The following COQ8A variants were observed in gnomAD, a reference collection of about 807,000 sequenced individuals.
COQ8A encodes coenzyme Q8A, also known as atypical kinase COQ8A, mitochondrial.
COQ8A carries 51 observed loss-of-function variants against 65.0 expected under a neutral mutation model. That is an observed-to-expected ratio of 0.78 (90% CI 0.63 to 0.99). The LOEUF is 0.99. COQ8A is among the 50% of genes least tolerant of loss of function. The pLI, the probability that COQ8A is intolerant of heterozygous loss-of-function variation, is 0.00. For missense variants in COQ8A, 940 were observed against 875.0 expected, an observed-to-expected ratio of 1.07 and a Z score of -0.94; for synonymous variants, 371 against 353.2, an observed-to-expected ratio of 1.05 and a Z score of -0.57.
At chr1:226,948,203 C>G (rs1368545006) in intron 1 of COQ8A, among the ~76,000 whole-genome samples, 1 of 152,206 alleles carries the variant, frequency 6.6e-6, no homozygotes, top group Non-Finnish European at 1.5e-5. Context: ...TCTGGAGGCT[C>G]AAGGGCAGGA....
At chr1:226,965,572 C>T (rs2148063625) in intron 3 of COQ8A, 99 bp from the exon 4 acceptor site, 26 of 1,521,650 alleles carry the variant, frequency 1.7e-5, no homozygotes, top group Non-Finnish European at 2.3e-5. Flanking sequence ...GAGCTGCTGA[C>T]TGTGGGGTGG....
intron 7 of COQ8A, 60 bp downstream of exon 7, chr1:226,982,823 A>G (rs957676883): frequency 1.2e-6 from 2 of 1,612,596 alleles, no homozygotes; most frequent in African/African-American, 2.7e-5. Context: ...GGTGGAGGGG[A>G]CAGACTTGGG....
chr1:226,984,454 G>A, intron 11 of COQ8A, 94 bp from the exon 12 acceptor site: 4 of 1,348,346 alleles, frequency 3.0e-6, no homozygotes, highest in Non-Finnish European at 4.2e-6. Context: ...GGTAGGGTGG[G>A]TAAAACAGGA....
At position 226,984,613 on chromosome 1, in the gene COQ8A, C is replaced by T. The variant is rs1353485434; in HGVS notation, c.1464C>T (p.Asp488=). 6 of 1,614,176 alleles carry T rather than the reference C, an allele frequency of 3.7e-6. No individual in the cohort carries two copies. In the East Asian group the frequency reaches 1.1e-4, roughly 30 times the overall value. ...ELFEFHFMQT[D]PNWSNFFYDP... ...TCGAGTTCCACTTCATGCAAACAGA[C>T]CCCAACTGGTCCAACTTCTTCTATG... Residue 488 remains aspartate (D), a synonymous_variant, in exon 12 of 15, where the codon GAC becomes GAT. Coordinates refer to ENST00000366777, the MANE Select transcript of COQ8A (RefSeq NM_020247.5).
At position 226,949,077 on chromosome 1, in the gene COQ8A, G is replaced by GCCCCAAGA. The variant is rs1657214084; in HGVS notation, c.-10+8681_-10+8682insCAAGACCC. Among the ~76,000 whole-genome samples, 1 of 152,000 alleles carries GCCCCAAGA rather than the reference G, an allele frequency of 6.6e-6. No homozygotes were observed. The highest frequency in any genetic ancestry group is 2.4e-5 in the African/African-American group (1 of 41,402). On this transcript the variant is annotated intron_variant, in intron 1 of 14. Transcript: ENST00000366777. This position sits in a 1 kb window ranked among gnomAD's most constrained non-coding sequence, Gnocchi z 4.0. ...TGATTCCCAGCCCCAAGGCCCCAAG[G>GCCCCAAGA]CCCTCACCCTTGGCTAATGGGTGGG...
intron 5 of COQ8A, among the ~76,000 whole-genome samples, chr1:226,979,518 C>T (rs983571481): frequency 6.6e-6 from 1 of 152,168 alleles, no homozygotes; most frequent in African/African-American, 2.4e-5. Context: ...GTCCCCTGGC[C>T]CCGGCCCATT....
chr1:226,982,709 G>A lies in COQ8A; in HGVS notation c.885G>A (p.Lys295=), dbSNP rs768002272. Residue 295 remains lysine, a synonymous_variant, in exon 7 of 15, where the codon AAG becomes AAA. Transcript: ENST00000366777. ...CCTTTATCAACCCCCACCTGGCTAA[G>A]ATCTTCGAGCGGGTGCGGCAGAGCG... ...DDAFINPHLA[K]IFERVRQSAD... is the part of the protein sequence containing the mutation. 1 of 1,613,716 alleles carries A rather than the reference G, an allele frequency of 6.2e-7. No homozygotes were observed. The highest frequency in any genetic ancestry group is 8.5e-7 in the Non-Finnish European group (1 of 1,180,024).
Position 226,949,175 on chromosome 1 carries a change from T to G in COQ8A, c.-10+8776T>G, listed in dbSNP as rs117070001. On this transcript the variant is annotated intron_variant, in intron 1 of 14. Transcript: ENST00000366777. The surrounding 1 kb of genome is among the most constrained non-coding windows in gnomAD (Gnocchi z 4.0). ...GTAGGACCTGCAGAGTGGAGTGCGCTCACATGGCTCGCGCGTAGCTGGAGG... is the reference window on the plus strand; with the variant it reads ...GTAGGACCTGCAGAGTGGAGTGCGCGCACATGGCTCGCGCGTAGCTGGAGG... Among the ~76,000 whole-genome samples, 493 of 151,420 alleles carry G rather than the reference T, an allele frequency of 3.3e-3. 16 individuals carry two copies. The East Asian group carries it at 0.063, about 19-fold the overall frequency.
chr1:226,965,410 G>T lies in COQ8A; in HGVS notation c.588G>T (p.Thr196=). The T allele has an allele frequency of 6.2e-7, 1 of 1,607,468 alleles. No individual in the cohort carries two copies. The highest frequency in any genetic ancestry group is 1.1e-5 in the South Asian group (1 of 89,682). Residue 196 remains threonine (T), a splice_region_variant and synonymous_variant, in exon 3 of 15, where the codon ACG becomes ACT. Transcript: ENST00000366777. The part of the protein sequence containing the change: ...ARPENKQHKQ[T]LSEHARERKV... Reference sequence around the variant, plus strand: ...CCGAGAACAAGCAGCACAAACAGACGGTGCGTATGGGAGGCCCCTGGAGGG... The same window carrying T: ...CCGAGAACAAGCAGCACAAACAGACTGTGCGTATGGGAGGCCCCTGGAGGG...
chr1:226,981,866 T>A (rs143481309), intron 5 of COQ8A, among the ~76,000 whole-genome samples, 161 bp from the exon 6 acceptor site: 1 of 152,152 alleles, frequency 6.6e-6, no homozygotes. Flanking sequence ...TCACACAGGC[T>A]TGGGGAGGTG....
At chr1:226,982,865 C>T in intron 7 of COQ8A, 29 bp from the exon 8 acceptor site, 1 of 1,612,614 alleles carries the variant, frequency 6.2e-7, no homozygotes, top group Non-Finnish European at 8.5e-7. Context: ...AGGGCATGCT[C>T]AGAGCCCCTC....
rs115826808 is a variant in COQ8A, at chr1:226,969,699, C to T, written c.655+3962C>T. Among the ~76,000 whole-genome samples, 562 of 151,512 alleles carry T rather than the reference C, an allele frequency of 3.7e-3. 3 individuals carry two copies. The highest frequency in any genetic ancestry group is 0.013 in the African/African-American group (543 of 41,288). ...TGTTACCTTTTTTTTTTCCCCTGTA[C>T]TTTCAACTTTTAAAATGTCCTTATG... is the stretch of plus-strand genomic sequence containing the variant. On this transcript the variant is annotated intron_variant, in intron 4 of 14. Transcript: ENST00000366777.
chr1:226,977,868 G>A (rs977895097), intron 5 of COQ8A, among the ~76,000 whole-genome samples: 1 of 124,154 alleles, frequency 8.1e-6, no homozygotes, highest in African/African-American at 3.1e-5. Context: ...CACACCCACC[G>A]AACACCCGCA....
At position 226,965,500 on chromosome 1, in the gene COQ8A, G is replaced by A. The variant is rs1383753149; in HGVS notation, c.588+90G>A. ...TCTGCTCTAGGGACTTTTCCTGGGTGCTGTGGTCTGGGGTTTTTAGGAGCG... is the reference window on the plus strand; with the variant it reads ...TCTGCTCTAGGGACTTTTCCTGGGTACTGTGGTCTGGGGTTTTTAGGAGCG... On this transcript the variant is annotated intron_variant, in intron 3 of 14. Transcript: ENST00000366777. 10 of 1,555,730 alleles carry A rather than the reference G, an allele frequency of 6.4e-6. No individual in the cohort carries two copies. In the Admixed American group the frequency reaches 7.7e-5, roughly 12 times the overall value.
At position 226,978,768 on chromosome 1, in the gene COQ8A, A is replaced by G. The variant is rs1284446210; in HGVS notation, c.730+1245A>G. ...CCTTACACACCCACCTCACACCCGC[A>G]TACCTCCGTACACACCCACCTCTCA... is the stretch of plus-strand genomic sequence containing the variant. On this transcript the variant is annotated intron_variant, in intron 5 of 14. Coordinates refer to ENST00000366777, the MANE Select transcript of COQ8A (RefSeq NM_020247.5). 3.5e-5 allele frequency among the ~76,000 whole-genome samples: 3 copies of G among 85,666 alleles called. No homozygotes were observed. In the East Asian group the frequency reaches 9.7e-4, roughly 28 times the overall value. 56.2% of individuals were successfully genotyped at this position (85,666 alleles called of 152,430 possible). A position where few individuals can be genotyped will look rare whatever the true frequency, so the allele number is the denominator to read the frequency against.
Position 226,964,410 on chromosome 1 carries a change from G to A in COQ8A, c.178-590G>A, listed in dbSNP as rs1013410156. ...GTGACCATCACAAAGAAAACATGGC[G>A]TATCCTCTCCCCTGCCCCTCCATTT... On this transcript the variant is annotated intron_variant, in intron 2 of 14. Transcript: ENST00000366777. Among the ~76,000 whole-genome samples the A allele has an allele frequency of 4.6e-5, 7 of 152,170 alleles. No homozygotes were observed. In the East Asian group the frequency reaches 5.8e-4, roughly 13 times the overall value.
At chr1:226,985,015 A>G in intron 13 of COQ8A, 74 bp downstream of exon 13, 1 of 1,562,034 alleles carries the variant, frequency 6.4e-7, no homozygotes, top group Admixed American at 1.7e-5. Flanking sequence ...GACTCGGGGT[A>G]GGGAGAATGA....
At chr1:226,985,181 C>G in intron 13 of COQ8A, 73 bp from the exon 14 acceptor site, 2 of 1,528,708 alleles carry the variant, frequency 1.3e-6, no homozygotes, top group Non-Finnish European at 1.8e-6. Context: ...TCGGGTGTGG[C>G]ACTTGGCTCC....
At chr1:226,984,325 C>A (rs1396340290) in intron 11 of COQ8A, 90 bp downstream of exon 11, 7 of 1,573,722 alleles carry the variant, frequency 4.4e-6, no homozygotes, top group Middle Eastern at 2.1e-4. Context: ...GGACTTGGAG[C>A]CCTGAGGTGC....
Sources: gnomAD v4.1 joint callset for allele counts (sites outside exome capture counted in the v4.1 genomes callset) on GRCh38, gnomAD v4.1.1 for gene constraint, Gnocchi (gnomAD v3.1) non-coding constraint, MANE v1.5 for transcripts, NCBI Gene and HGNC (gene_info 2026-07-23, HGNC 2026-07-21) for gene names.